Variants in ZNF83 observed in about 807,000 individuals in gnomAD.
ZNF83 encodes zinc finger protein 83.
For missense variants in ZNF83, 552 were observed against 629.9 expected (o/e 0.88, Z 1.32); for synonymous variants, 209 against 213.0 (o/e 0.98, Z 0.17).
chr19:52,676,138 G>T (rs916337729), intron 1 of ZNF83, among the ~76,000 whole-genome samples: 1 of 152,168 alleles, frequency 6.6e-6, no homozygotes, highest in Non-Finnish European at 1.5e-5. Flanking sequence ...GCGCCGCCAC[G>T]CCTGACTGGT....
rs3055356 is a variant in ZNF83, at chr19:52,673,500, TCA to T, written c.-282-12659_-282-12658del. Among the ~76,000 whole-genome samples the T allele has an allele frequency of 6.2e-4, 93 of 148,874 alleles. No homozygotes were observed. The South Asian group carries it at 0.013, about 20-fold the overall frequency. On this transcript the variant is annotated intron_variant, in intron 1 of 5. Transcript: ENST00000594682. Reference sequence around the variant, plus strand: ...GGTACACAAGAAGAGTGTAACTCCATCACACACACACACACACACAAAATGCT... The same window carrying T: ...GGTACACAAGAAGAGTGTAACTCCATCACACACACACACACACAAAATGCT...
chr19:52,631,237 C>T lies in ZNF83; in HGVS notation c.-234+3829G>A, dbSNP rs532176393. 2.3e-3 allele frequency among the ~76,000 whole-genome samples: 349 copies of T among 152,048 alleles called. 1 individual carries two copies. Among genetic ancestry groups the T allele is most frequent in the African/African-American group, 7.2e-3 (298 of 41,486 alleles). On this transcript the variant is annotated intron_variant, in intron 2 of 2. Coordinates refer to ENST00000301096, the Ensembl canonical transcript of ZNF83. ...ATTCTCATAAAAACACATGTGCTCT[C>T]CCTGCTGATCGTGTCCAATTAATCT...
At chr19:52,651,918 A>G (rs1251279659) in intron 3 of ZNF83, 1 of 173,934 alleles carries the variant, frequency 5.7e-6, no homozygotes, top group Non-Finnish European at 1.3e-5. Context: ...CTTGAACTCA[A>G]TGTTAAGTCA....
chr19:52,689,920 G>A (rs1401655601), intron 1 of ZNF83, among the ~76,000 whole-genome samples: 4 of 152,200 alleles, frequency 2.6e-5, no homozygotes, highest in Non-Finnish European at 1.5e-5. Flanking sequence ...CAGGAGAAGC[G>A]GTGACTGCGG....
At chr19:52,614,455 A>AT (rs761556867) in exon 3 of ZNF83, 101 of 1,612,746 alleles carry the variant, frequency 6.3e-5, no homozygotes, top group Non-Finnish European at 7.6e-5. Context: ...ATATTTATAT[A>AT]TTTTCCCTTC....
At chr19:52,687,616 G>T (rs551711670) in intron 1 of ZNF83, among the ~76,000 whole-genome samples, 759 of 15,666 alleles carry the variant, frequency 0.048, 96 homozygotes, top group African/African-American at 0.27. Context: ...TATATAATGT[G>T]TATATATATA....
chr19:52,665,279 G>A (rs1317652046), intron 1 of ZNF83, among the ~76,000 whole-genome samples: 3 of 152,100 alleles, frequency 2.0e-5, no homozygotes, highest in Non-Finnish European at 4.4e-5. Context: ...ATGTGGGTGG[G>A]GTGGTGGGAG....
chr19:52,631,907 A>C (rs1018981352), intron 2 of ZNF83, among the ~76,000 whole-genome samples: 2 of 148,340 alleles, frequency 1.3e-5, no homozygotes, highest in Non-Finnish European at 3.0e-5. Context: ...TCCATCTGCT[A>C]TTCTACTACT....
At chr19:52,688,121 A>T (rs888576558) in intron 1 of ZNF83, among the ~76,000 whole-genome samples, 3 of 152,102 alleles carry the variant, frequency 2.0e-5, no homozygotes, top group Admixed American at 1.3e-4. Flanking sequence ...ACATGTCACA[A>T]CTAATCATAG....
chr19:52,666,163 CA>C (rs35992506), intron 1 of ZNF83, among the ~76,000 whole-genome samples: 61 of 102,332 alleles, frequency 6.0e-4, no homozygotes, highest in Admixed American at 7.9e-4. Flanking sequence ...GACTCCATCT[CA>C]AAAAAAAAAA....
At chr19:52,652,916 G>C (rs1368464916) in intron 3 of ZNF83, 1 of 1,141,216 alleles carries the variant, frequency 8.8e-7, no homozygotes, top group Non-Finnish European at 1.3e-6. Context: ...CCACTATGAA[G>C]TCTATAATGG....
intron 1 of ZNF83, among the ~76,000 whole-genome samples, chr19:52,681,397 G>C (rs1200693505): frequency 6.6e-6 from 1 of 151,712 alleles, no homozygotes; most frequent in South Asian, 2.1e-4. Context: ...GGTGTCTAGA[G>C]AGGACAAAGT....
intron 3 of ZNF83, among the ~76,000 whole-genome samples, chr19:52,646,062 C>G (rs1175484920): frequency 6.6e-6 from 1 of 152,012 alleles, no homozygotes. Flanking sequence ...GCCTCAGCAT[C>G]TTGAGTAGCT....
chr19:52,629,473 A>G (rs2060869072), intron 2 of ZNF83, among the ~76,000 whole-genome samples: 1 of 151,926 alleles, frequency 6.6e-6, no homozygotes, highest in African/African-American at 2.4e-5. Flanking sequence ...AGGCCGAGCT[A>G]GGTCCCAATT....
intron 1 of ZNF83, chr19:52,636,126 G>A (rs1168768190): frequency 6.9e-6 from 1 of 144,128 alleles, no homozygotes; most frequent in East Asian, 2.0e-4. Flanking sequence ...GTGAAACCTC[G>A]TTTCTACAAA....
chr19:52,683,228 CTGTGTGTGTGTGTG>C (rs67463602), intron 1 of ZNF83, among the ~76,000 whole-genome samples: 4,091 of 127,984 alleles, frequency 0.032, 65 homozygotes, highest in South Asian at 0.075. Context: ...CCCTGTGACT[CTGTGTGTGTGTGTG>C]TGTGTGTGTG....
At chr19:52,677,234 T>A (rs1005543448) in intron 1 of ZNF83, among the ~76,000 whole-genome samples, 1 of 149,238 alleles carries the variant, frequency 6.7e-6, no homozygotes, top group Non-Finnish European at 1.5e-5. Context: ...CCACAAAGCA[T>A]GAGTGAGACT....
chr19:52,622,380 A>G (rs1175560272), intron 2 of ZNF83, among the ~76,000 whole-genome samples: 2 of 152,130 alleles, frequency 1.3e-5, no homozygotes, highest in African/African-American at 4.8e-5. Context: ...GAGTGACTTA[A>G]ATGTCATCCT....
intron 1 of ZNF83, among the ~76,000 whole-genome samples, chr19:52,688,927 C>T (rs2062094352): frequency 6.8e-6 from 1 of 147,760 alleles, no homozygotes; most frequent in Non-Finnish European, 1.5e-5. Flanking sequence ...CAGACACCCC[C>T]ACCTTCCAGA....
Sources: allele counts gnomAD v4.1 joint callset (sites outside exome capture counted in the v4.1 genomes callset), GRCh38; gene constraint gnomAD v4.1.1; transcripts MANE v1.5; gene names NCBI Gene and HGNC (gene_info 2026-07-23, HGNC 2026-07-21).